Variants in ZNF544 observed in about 807,000 individuals in gnomAD.
ZNF544 encodes zinc finger protein AF020591.
A neutral mutation model predicts 13.5 loss-of-function variants in ZNF544; 10 were observed. The observed-to-expected ratio is 0.74, with a 90% CI of 0.46 to 1.25. The LOEUF is 1.25. Among genes scored for constraint, ZNF544 ranks in the 50% most tolerant of loss-of-function variants. ZNF544 has a pLI of 0.00. For missense variants in ZNF544, 896 were observed against 845.6 expected, an observed-to-expected ratio of 1.06 and a Z score of -0.74; for synonymous variants, 323 against 300.5, an observed-to-expected ratio of 1.07 and a Z score of -0.77.
chr19:58,243,987 C>T lies in ZNF544; in HGVS notation c.-37C>T. 1 of 1,599,144 alleles carries T rather than the reference C, an allele frequency of 6.3e-7. No individual in the cohort carries two copies. Among genetic ancestry groups the T allele is most frequent in the Non-Finnish European group, 8.5e-7 (1 of 1,172,460 alleles). On this transcript the variant is annotated 5_prime_UTR_variant, in exon 4 of 7. Transcript: ENST00000687789. ...CAGACTGGTCTTCTGAGGACCTCTGCCCTCTACACAGCGGCCTCTTCAGGT... is the reference window on the plus strand; with the variant it reads ...CAGACTGGTCTTCTGAGGACCTCTGTCCTCTACACAGCGGCCTCTTCAGGT...
chr19:58,244,515 T>G (rs1365432094), intron 4 of ZNF544, among the ~76,000 whole-genome samples: 1 of 152,044 alleles, frequency 6.6e-6, no homozygotes, highest in East Asian at 1.9e-4. Context: ...GTTGTCCGAC[T>G]GTGTCTTTAT....
chr19:58,246,016 G>A (rs546465306), intron 4 of ZNF544: 3 of 403,494 alleles, frequency 7.4e-6, no homozygotes, highest in African/African-American at 4.1e-5. Context: ...GTAAGTCCAA[G>A]ATCAATGTGT....
chr19:58,268,244 A>G (rs1482058675), downstream of ZNF544, among the ~76,000 whole-genome samples: 2 of 152,184 alleles, frequency 1.3e-5, no homozygotes, highest in East Asian at 3.9e-4. Context: ...GATTGCAGTG[A>G]GCCGAGGTCT....
At chr19:58,275,782 T>TGAAAAAA (rs1600443628) in intron 5 of ZNF544, among the ~76,000 whole-genome samples, 1 of 17,538 alleles carries the variant, frequency 5.7e-5, no homozygotes, top group Non-Finnish European at 1.3e-4. Flanking sequence ...AGACCCTGTC[T>TGAAAAAA]CAAAAAAAAA....
rs1018928683 is a variant in ZNF544 at position 58,263,411 on chromosome 19, T to G, written c.*657T>G. The G allele has an allele frequency of 2.0e-5, 20 of 983,804 alleles. No individual in the cohort carries two copies. The African/African-American group carries it at 3.0e-4, about 15-fold the overall frequency. The allele number at this position is 983,804 out of a possible 1,614,324, so 60.9% of individuals were successfully genotyped here. ...GGGAGGCGGTGGTTGCAGTGAGCTG[T>G]GATCATGCCATCACACCGCTGCCTT... On this transcript the variant is annotated 3_prime_UTR_variant, in exon 7 of 7. Transcript: ENST00000687789.
rs762004609 is a variant in ZNF544 at position 58,243,973 on chromosome 19, T to C, written c.-51T>C. 2 of 1,581,992 alleles carry C rather than the reference T, an allele frequency of 1.3e-6. No individual in the cohort carries two copies. The highest frequency in any genetic ancestry group is 1.7e-6 in the Non-Finnish European group (2 of 1,163,574). On this transcript the variant is annotated 5_prime_UTR_variant, in exon 4 of 7. Coordinates refer to ENST00000687789, the MANE Select transcript of ZNF544 (RefSeq NM_014480.4). Reference sequence around the variant, plus strand: ...CTTGTTTTCCACCCCAGACTGGTCTTCTGAGGACCTCTGCCCTCTACACAG... The same window carrying C: ...CTTGTTTTCCACCCCAGACTGGTCTCCTGAGGACCTCTGCCCTCTACACAG...
In ZNF544 at chr19:58,244,068, G is replaced by T; in HGVS notation, c.33+12G>T. The T allele has an allele frequency of 6.2e-7, 1 of 1,605,320 alleles. No homozygotes were observed. The highest frequency in any genetic ancestry group is 8.5e-7 in the Non-Finnish European group (1 of 1,175,472). On this transcript the variant is annotated intron_variant, in intron 4 of 6. Transcript: ENST00000687789. ...TGGTTCCACCCCAGGTGAGTGGGGGGTCTTTGCTCTCAGTGCCTTGGTCTC... is the reference window on the plus strand; with the variant it reads ...TGGTTCCACCCCAGGTGAGTGGGGGTTCTTTGCTCTCAGTGCCTTGGTCTC...
intron 3 of ZNF544, among the ~76,000 whole-genome samples, chr19:58,231,141 A>T (rs915157867): frequency 1.3e-5 from 2 of 152,014 alleles, no homozygotes; most frequent in African/African-American, 4.8e-5. Context: ...CAAACAGATC[A>T]GAGAGGCCAA....
At position 58,261,597 on chromosome 19, in the gene ZNF544, C is replaced by A; in HGVS notation, c.991C>A (p.Arg331Ser). ...AGAGACCCCCTTCAGATGTGAGGAA[C>A]GCTGTGCTGCCTTCCCCATGGCCTC... ...PGETPFRCEE[R>S]CAAFPMASSF... Residue 331 changes from arginine to serine, a missense_variant, in exon 7 of 7, where the codon CGC becomes AGC. Coordinates refer to ENST00000687789, the MANE Select transcript of ZNF544 (RefSeq NM_014480.4). 1 of 1,614,198 alleles carries A rather than the reference C, an allele frequency of 6.2e-7. No individual in the cohort carries two copies. Among genetic ancestry groups the A allele is most frequent in the East Asian group, 2.2e-5 (1 of 44,892 alleles).
At chr19:58,253,072 C>T (rs934426647) in intron 6 of ZNF544, among the ~76,000 whole-genome samples, 9 of 152,214 alleles carry the variant, frequency 5.9e-5, no homozygotes, top group East Asian at 1.9e-4. Flanking sequence ...CCCACCTTGG[C>T]CTCCCAAAGT....
intron 5 of ZNF544, among the ~76,000 whole-genome samples, chr19:58,269,900 G>A (rs1052252987): frequency 6.6e-6 from 1 of 152,140 alleles, no homozygotes; most frequent in Non-Finnish European, 1.5e-5. Flanking sequence ...CAGCCTGGGC[G>A]ACAGAATGAG....
At chr19:58,229,124 G>A (rs63283) in intron 1 of ZNF544, 178 bp downstream of exon 1, 22,543 of 152,416 alleles carry the variant, frequency 0.15, 2,054 homozygotes, top group East Asian at 0.35. Flanking sequence ...GATGGGATCG[G>A]GATCTCTCCG....
intron 3 of ZNF544, among the ~76,000 whole-genome samples, chr19:58,232,346 CTTTTT>C (rs71190011): frequency 2.7e-5 from 2 of 75,228 alleles, no homozygotes; most frequent in Non-Finnish European, 2.4e-5. Context: ...ACAATTTTAT[CTTTTT>C]TTTTTTTTTT....
downstream of ZNF544, among the ~76,000 whole-genome samples, chr19:58,264,932 G>T (rs2049662192): frequency 6.6e-6 from 1 of 151,850 alleles, no homozygotes; most frequent in South Asian, 2.1e-4. Flanking sequence ...TGAGCCTGGG[G>T]GTGGGGGGGA....
downstream of ZNF544, among the ~76,000 whole-genome samples, chr19:58,266,138 G>A (rs1246829951): frequency 3.4e-5 from 5 of 146,896 alleles, no homozygotes; most frequent in Non-Finnish European, 4.5e-5. Context: ...CCCAGAAGGT[G>A]GAGGTTGCAG....
exon 7 of ZNF544, chr19:58,277,218 G>T (rs2051285990): frequency 2.7e-6 from 2 of 748,694 alleles, no homozygotes; most frequent in African/African-American, 2.8e-5. Context: ...ACGGTACAGG[G>T]CCAGAAGGAT....
At chr19:58,265,789 T>C (rs571098542), downstream of ZNF544, among the ~76,000 whole-genome samples, 1 of 151,362 alleles carries the variant, frequency 6.6e-6, no homozygotes, top group Non-Finnish European at 1.5e-5. Flanking sequence ...GGTCTCACCA[T>C]GTTGCCCAGG....
rs149491386 is a variant in ZNF544 at position 58,261,451 on chromosome 19, G to A, written c.845G>A (p.Ser282Asn). The A allele has an allele frequency of 1.2e-6, 2 of 1,614,086 alleles. No individual in the cohort carries two copies. The highest frequency in any genetic ancestry group is 1.7e-5 in the Admixed American group (1 of 60,004). ...CKDYGNLFSH[S>N]VSLNEQKPVH... ...GATTATGGAAACCTCTTCAGTCACAGTGTGTCTCTGAATGAACAGAAGCCA... is the reference window on the plus strand; with the variant it reads ...GATTATGGAAACCTCTTCAGTCACAATGTGTCTCTGAATGAACAGAAGCCA... Residue 282 changes from serine to asparagine, a missense_variant, in exon 7 of 7, where the codon AGT (serine) becomes AAT (asparagine). By Grantham distance (46) the Ser-to-Asn change is conservative. Transcript: ENST00000687789.
At position 58,240,383 on chromosome 19, in the gene ZNF544, G is replaced by C. The variant is rs112406843; in HGVS notation, c.-59-3582G>C. On this transcript the variant is annotated intron_variant, in intron 3 of 6. Coordinates refer to ENST00000687789, the MANE Select transcript of ZNF544 (RefSeq NM_014480.4). Reference sequence around the variant, plus strand: ...CGCCATTCTCCTGCCTCAACTTCCCGAGTAGCTGGCACTACAGGCACCCAC... The same window carrying C: ...CGCCATTCTCCTGCCTCAACTTCCCCAGTAGCTGGCACTACAGGCACCCAC... 4.1e-3 allele frequency among the ~76,000 whole-genome samples: 626 copies of C among 151,160 alleles called. 7 individuals are homozygous for C. The highest frequency in any genetic ancestry group is 0.014 in the African/African-American group (570 of 41,220).
Sources: gnomAD v4.1 joint callset for allele counts (sites outside exome capture counted in the v4.1 genomes callset) on GRCh38, gnomAD v4.1.1 for gene constraint, MANE v1.5 for transcripts, NCBI Gene and HGNC (gene_info 2026-07-23, HGNC 2026-07-21) for gene names.